Variants in STAU1 observed in about 807,000 individuals in gnomAD.
The protein encoded by STAU1 is double-stranded RNA-binding protein Staufen homolog 1.
STAU1 carries 13 observed loss-of-function variants against 62.9 expected under a neutral mutation model. The ratio of observed to expected loss-of-function variants is 0.21; its 90% CI spans 0.13 to 0.33. The LOEUF is 0.33. STAU1 is among the 10% of genes least tolerant of loss of function. The probability of loss-of-function intolerance (pLI) is 1.00; values close to 1 mark genes in which losing one functional copy is unlikely to be tolerated. For missense variants in STAU1, 571 were observed against 712.1 expected, an observed-to-expected ratio of 0.80 and a Z score of 2.25; for synonymous variants, 269 against 265.1, an observed-to-expected ratio of 1.01 and a Z score of -0.14.
chr20:49,151,723 T>C lies in STAU1; in HGVS notation c.369A>G (p.Pro123=). 1 of 1,609,628 alleles carries C rather than the reference T, an allele frequency of 6.2e-7. No homozygotes were observed. The highest frequency in any genetic ancestry group is 8.5e-7 in the Non-Finnish European group (1 of 1,178,684). Residue 123 remains proline, a synonymous_variant, in exon 5 of 14, where the codon CCA becomes CCG. Coordinates refer to ENST00000371856, the MANE Select transcript of STAU1 (RefSeq NM_017453.4). Reference sequence around the variant, plus strand: ...AAAGTTCCACTTGATAAAGTAAAGGTGGAACTGGAAATGGGTAAAAGTACC... The same window carrying C: ...AAAGTTCCACTTGATAAAGTAAAGGCGGAACTGGAAATGGGTAAAAGTACC... ...PPRYFYPFPV[P]PLLYQVELSV...
At chr20:49,176,009 T>C (rs62210457) in intron 1 of STAU1, among the ~76,000 whole-genome samples, 16,059 of 151,378 alleles carry the variant, frequency 0.11, 988 homozygotes, top group Non-Finnish European at 0.13. Context: ...TTAGCCAGGA[T>C]GGTCTCGATC....
At chr20:49,197,558 G>A in the STAU1 span, among the ~76,000 whole-genome samples, 2 of 150,806 alleles carry the variant, frequency 1.3e-5, no homozygotes, top group South Asian at 2.1e-4. Flanking sequence ...GTGCCACCAG[G>A]CCCAGCTAAT....
chr20:49,129,823 T>C (rs955244977), intron 6 of STAU1, among the ~76,000 whole-genome samples: 24 of 151,564 alleles, frequency 1.6e-4, no homozygotes, highest in African/African-American at 5.6e-4. Context: ...AGACGAGGTT[T>C]CACCATGTTG....
the STAU1 span, among the ~76,000 whole-genome samples, chr20:49,203,284 G>T: frequency 5.5e-4 from 83 of 152,202 alleles, no homozygotes; most frequent in East Asian, 0.014. Context: ...ACTTACCCAG[G>T]TGTAGTGGTG....
At chr20:49,185,236 T>C (rs1294175791) in intron 1 of STAU1, among the ~76,000 whole-genome samples, 1 of 152,266 alleles carries the variant, frequency 6.6e-6, no homozygotes, top group African/African-American at 2.4e-5. Context: ...TTATGAATTA[T>C]TAACTGTAGT....
the STAU1 span, among the ~76,000 whole-genome samples, chr20:49,216,033 A>AAAAG: frequency 7.6e-5 from 8 of 104,578 alleles, no homozygotes; most frequent in African/African-American, 8.9e-5. Context: ...AAAAAAAAAA[A>AAAAG]AAGAAGAAGA....
In STAU1 at chr20:49,114,790, G is replaced by T; in HGVS notation, c.*88C>A. 7.9e-7 allele frequency: 1 copy of T among 1,272,376 alleles called. No individual in the cohort carries two copies. Among genetic ancestry groups the T allele is most frequent in the Non-Finnish European group, 1.1e-6 (1 of 877,968 alleles). 78.8% of individuals were successfully genotyped at this position (1,272,376 alleles called of 1,614,324 possible). On this transcript the variant is annotated 3_prime_UTR_variant, in exon 14 of 14. Transcript: ENST00000371856. The stretch of plus-strand genomic sequence containing the variant: ...CCACCGTGTCTCTCGGCCCACTGGA[G>T]GTATCAGAAATTCCAAATTTTCAAA...
At chr20:49,218,120 C>T in the STAU1 span, among the ~76,000 whole-genome samples, 1 of 151,904 alleles carries the variant, frequency 6.6e-6, no homozygotes, top group Non-Finnish European at 1.5e-5. Context: ...GGTGATCCAC[C>T]TGCCTCGGCC....
intron 8 of STAU1, 87 bp from the exon 9 acceptor site, chr20:49,120,215 A>G: frequency 6.8e-7 from 1 of 1,466,974 alleles, no homozygotes. Context: ...AAAATAACCA[A>G]CTATGGTCAG....
upstream of STAU1, among the ~76,000 whole-genome samples, chr20:49,191,736 G>A (rs2093831529): frequency 6.6e-6 from 1 of 152,132 alleles, no homozygotes; most frequent in Non-Finnish European, 1.5e-5. Context: ...CAGAATCTAA[G>A]AGCAACAATT....
chr20:49,212,938 T>C, the STAU1 span, among the ~76,000 whole-genome samples: 3 of 152,280 alleles, frequency 2.0e-5, no homozygotes, highest in Admixed American at 6.5e-5. Flanking sequence ...TAATATGTGT[T>C]ACCCAATGTG....
At position 49,118,418 on chromosome 20, in the gene STAU1, G is replaced by T. The variant is rs1402100382; in HGVS notation, c.1114-10C>A. The T allele has an allele frequency of 2.6e-6, 4 of 1,565,858 alleles. No homozygotes were observed. Among genetic ancestry groups the T allele is most frequent in the Non-Finnish European group, 2.6e-6 (3 of 1,152,398 alleles). Reference sequence around the variant, plus strand: ...GTTTCTTTATGGGTGTCTTAAAAAAGAAGAAGAAAAAAAAAAGGCCATGAG... The same window carrying T: ...GTTTCTTTATGGGTGTCTTAAAAAATAAGAAGAAAAAAAAAAGGCCATGAG... On this transcript the variant is annotated splice_polypyrimidine_tract_variant and intron_variant, in intron 9 of 13. Transcript: ENST00000371856.
At chr20:49,143,258 T>C (rs2093049845) in intron 5 of STAU1, among the ~76,000 whole-genome samples, 1 of 152,216 alleles carries the variant, frequency 6.6e-6, no homozygotes, top group Admixed American at 6.5e-5. Flanking sequence ...CTGTTAACAC[T>C]GATTCCATAG....
intron 1 of STAU1, among the ~76,000 whole-genome samples, chr20:49,180,852 G>A (rs948764279): frequency 1.2e-4 from 19 of 152,174 alleles, no homozygotes; most frequent in Non-Finnish European, 2.1e-4. Flanking sequence ...GGGTTCTAAT[G>A]AGCAAAATTC....
intron 1 of STAU1, among the ~76,000 whole-genome samples, chr20:49,175,680 G>T (rs2093651255): frequency 6.6e-6 from 1 of 151,224 alleles, no homozygotes; most frequent in Non-Finnish European, 1.5e-5. Flanking sequence ...GAAATGGCAG[G>T]GTTTTGCCAA....
chr20:49,213,200 A>T, the STAU1 span, among the ~76,000 whole-genome samples: 1 of 151,372 alleles, frequency 6.6e-6, no homozygotes, highest in Non-Finnish European at 1.5e-5. Context: ...TTTTTGCAGC[A>T]ATGGGGGTCT....
chr20:49,216,033 A>AAAAAAAAAAAAAAAAAAAAAAAAAAAG, the STAU1 span, among the ~76,000 whole-genome samples: 1 of 104,536 alleles, frequency 9.6e-6, no homozygotes, highest in Non-Finnish European at 1.8e-5. Flanking sequence ...AAAAAAAAAA[A>AAAAAAAAAAAAAAAAAAAAAAAAAAAG]AAGAAGAAGA....
chr20:49,116,686 A>C (rs1468096770), intron 12 of STAU1, among the ~76,000 whole-genome samples: 1 of 152,150 alleles, frequency 6.6e-6, no homozygotes, highest in Non-Finnish European at 1.5e-5. Context: ...TGAATACATC[A>C]CAGTTTACTT....
chr20:49,174,312 TTC>T (rs1485293496), intron 1 of STAU1, 43 bp from the exon 2 acceptor site: 1 of 152,214 alleles, frequency 6.6e-6, no homozygotes, highest in Non-Finnish European at 1.5e-5. Context: ...GGTAGGTCTT[TTC>T]TCTGAAACTG....
Sources: allele counts gnomAD v4.1 joint callset (sites outside exome capture counted in the v4.1 genomes callset), GRCh38; gene constraint gnomAD v4.1.1; transcripts MANE v1.5; gene names NCBI Gene and HGNC (gene_info 2026-07-23, HGNC 2026-07-21).